The following ASIC2 variants were observed in gnomAD, a reference collection of about 807,000 sequenced individuals.
The protein encoded by ASIC2 is acid sensing ion channel subunit 2, also known as acid-sensing ion channel 2.
In ASIC2, 25 loss-of-function variants were observed where a neutral mutation model predicts 57.3. The ratio of observed to expected loss-of-function variants is 0.44; its 90% CI spans 0.32 to 0.61. The LOEUF (loss-of-function observed/expected upper bound fraction) is 0.61, where lower values mean the gene tolerates loss of function less well. ASIC2 is among the 20% of genes least tolerant of loss of function. The pLI is 0.06. For synonymous variants in ASIC2, 319 were observed against 307.5 expected, an observed-to-expected ratio of 1.04 and a Z score of -0.39; for missense variants, 641 against 738.1, an observed-to-expected ratio of 0.87 and a Z score of 1.52.
intron 1 of ASIC2, among the ~76,000 whole-genome samples, chr17:33,808,695 C>A (rs991143431): frequency 6.6e-6 from 1 of 152,204 alleles, no homozygotes; most frequent in Non-Finnish European, 1.5e-5. Flanking sequence ...TCTGTTTTCT[C>A]ATCTGTAGAA....
At chr17:33,655,375 G>A (rs1284079516) in intron 1 of ASIC2, among the ~76,000 whole-genome samples, 1 of 152,182 alleles carries the variant, frequency 6.6e-6, no homozygotes, top group Non-Finnish European at 1.5e-5. Context: ...AATCCCAGAA[G>A]TCTGTCTGGG....
chr17:33,476,436 T>G (rs1388551531), intron 1 of ASIC2, among the ~76,000 whole-genome samples: 1 of 151,788 alleles, frequency 6.6e-6, no homozygotes, highest in Non-Finnish European at 1.5e-5. Flanking sequence ...TTTGCTATTA[T>G]TAGCAATGCT....
At chr17:33,218,947 C>G (rs569575526) in intron 1 of ASIC2, among the ~76,000 whole-genome samples, 1 of 152,184 alleles carries the variant, frequency 6.6e-6, no homozygotes, top group Non-Finnish European at 1.5e-5. Context: ...GAGAGCTGAA[C>G]TGGGCTGGGC....
intron 1 of ASIC2, among the ~76,000 whole-genome samples, chr17:33,173,239 T>A (rs1250404267): frequency 1.3e-5 from 2 of 152,128 alleles, no homozygotes; most frequent in African/African-American, 2.4e-5. Context: ...TGACTCCTTA[T>A]TCCTTTTTCC....
At chr17:33,589,948 G>C (rs1359812553) in intron 1 of ASIC2, among the ~76,000 whole-genome samples, 1 of 152,166 alleles carries the variant, frequency 6.6e-6, no homozygotes, top group African/African-American at 2.4e-5. Context: ...CCAAGCAAGA[G>C]GAAGCAAACA....
intron 1 of ASIC2, among the ~76,000 whole-genome samples, chr17:33,896,683 C>G (rs1301536362): frequency 1.3e-5 from 2 of 152,234 alleles, no homozygotes; most frequent in Non-Finnish European, 2.9e-5. Flanking sequence ...CTCACCATGA[C>G]AGAGTCTTGG....
intron 1 of ASIC2, among the ~76,000 whole-genome samples, chr17:33,397,977 A>G (rs1396931681): frequency 6.6e-6 from 1 of 152,138 alleles, no homozygotes; most frequent in Non-Finnish European, 1.5e-5. Flanking sequence ...ATCATAGTGG[A>G]AAAAAAATCT....
intron 1 of ASIC2, among the ~76,000 whole-genome samples, chr17:33,738,071 G>C (rs990049415): frequency 1.3e-5 from 2 of 152,308 alleles, no homozygotes; most frequent in Admixed American, 1.3e-4. Flanking sequence ...TATAAAAGTA[G>C]GTGTCTAAGA....
intron 2 of ASIC2, among the ~76,000 whole-genome samples, chr17:33,096,717 C>T (rs925282842): frequency 2.0e-5 from 3 of 152,204 alleles, no homozygotes; most frequent in South Asian, 2.1e-4. Context: ...AGGTGTGGCT[C>T]GCTTGGTTGG....
chr17:33,878,235 G>A (rs1448960610), intron 1 of ASIC2, among the ~76,000 whole-genome samples: 1 of 152,206 alleles, frequency 6.6e-6, no homozygotes, highest in Non-Finnish European at 1.5e-5. Flanking sequence ...CTCCTCACCA[G>A]CAACAGAACA....
chr17:33,738,708 C>T (rs1184653866), intron 1 of ASIC2, among the ~76,000 whole-genome samples: 2 of 152,120 alleles, frequency 1.3e-5, no homozygotes, highest in East Asian at 1.9e-4. Context: ...AGGGTGGGGA[C>T]GTATAGGCAG....
At chr17:33,979,363 G>A (rs1455701475) in intron 1 of ASIC2, among the ~76,000 whole-genome samples, 1 of 152,156 alleles carries the variant, frequency 6.6e-6, no homozygotes, top group East Asian at 1.9e-4. Flanking sequence ...TTGCCAGGGA[G>A]TGAGGCCGTC....
At chr17:33,266,668 G>A (rs1488837561) in intron 1 of ASIC2, among the ~76,000 whole-genome samples, 6 of 151,382 alleles carry the variant, frequency 4.0e-5, no homozygotes, top group African/African-American at 1.2e-4. Context: ...GTGCATCCCC[G>A]ACGTTTGGAA....
intron 1 of ASIC2, among the ~76,000 whole-genome samples, chr17:33,149,702 A>T (rs900718847): frequency 1.3e-5 from 2 of 152,174 alleles, no homozygotes; most frequent in African/African-American, 4.8e-5. Context: ...TGAAAAAAAA[A>T]TTTGCCAATT....
chr17:33,058,152 G>A (rs1035522694), intron 3 of ASIC2, among the ~76,000 whole-genome samples: 1 of 152,246 alleles, frequency 6.6e-6, no homozygotes, highest in Admixed American at 6.5e-5. Flanking sequence ...GATAATATAA[G>A]TGATTGAACT....
At chr17:34,143,988 T>C (rs1485753921) in intron 1 of ASIC2, among the ~76,000 whole-genome samples, 1 of 152,168 alleles carries the variant, frequency 6.6e-6, no homozygotes, top group African/African-American at 2.4e-5. Context: ...ATTTTCCACT[T>C]TCAGAGTTAT....
At chr17:33,019,583 A>G (rs999829832) in intron 7 of ASIC2, among the ~76,000 whole-genome samples, 1 of 151,880 alleles carries the variant, frequency 6.6e-6, no homozygotes, top group Admixed American at 6.6e-5. Flanking sequence ...GAGGTGAGAA[A>G]GGGCCGTGCG....
At chr17:33,948,451 G>A (rs1904454934) in intron 1 of ASIC2, among the ~76,000 whole-genome samples, 1 of 152,196 alleles carries the variant, frequency 6.6e-6, no homozygotes, top group African/African-American at 2.4e-5. Flanking sequence ...AGAGTTGAAA[G>A]GGACCTTAAG....
intron 3 of ASIC2, among the ~76,000 whole-genome samples, chr17:33,037,951 G>A (rs1391068236): frequency 6.6e-6 from 1 of 152,202 alleles, no homozygotes; most frequent in Non-Finnish European, 1.5e-5. Flanking sequence ...AGCATTGGGT[G>A]TACAGTTAGA....
Sources: gnomAD v4.1 joint callset for allele counts (sites outside exome capture counted in the v4.1 genomes callset) on GRCh38, gnomAD v4.1.1 for gene constraint, MANE v1.5 for transcripts, NCBI Gene and HGNC (gene_info 2026-07-23, HGNC 2026-07-21) for gene names.